The following CD163L1 variants were observed in gnomAD, a reference collection of about 807,000 sequenced individuals.
CD163L1 encodes the protein CD163 molecule like 1.
A neutral mutation model predicts 165.4 loss-of-function variants in CD163L1; 124 were observed. The observed-to-expected ratio is 0.75, with a 90% CI of 0.65 to 0.87. The LOEUF (loss-of-function observed/expected upper bound fraction) is 0.87. Among genes scored for constraint, CD163L1 ranks in the 40% least tolerant of loss-of-function variants. The pLI, the probability that CD163L1 is intolerant of heterozygous loss-of-function variation, is 0.00. For synonymous variants in CD163L1, 585 were observed against 662.2 expected (o/e 0.88, Z 1.79); for missense variants, 1,525 against 1,799.9 (o/e 0.85, Z 2.76).
At chr12:7,366,944 T>TTC (rs1225066447) in intron 18 of CD163L1, among the ~76,000 whole-genome samples, 8 of 152,164 alleles carry the variant, frequency 5.3e-5, no homozygotes, top group African/African-American at 1.7e-4. Context: ...GTGGACCAGG[T>TTC]ATTTGACTGA....
intron 18 of CD163L1, among the ~76,000 whole-genome samples, chr12:7,364,951 G>A (rs775427360): frequency 6.6e-6 from 1 of 152,112 alleles, no homozygotes; most frequent in South Asian, 2.1e-4. Context: ...GAACAACAGA[G>A]GGCCCCCAAT....
chr12:7,370,043 T>C (rs781089565), intron 14 of CD163L1, among the ~76,000 whole-genome samples: 1 of 152,396 alleles, frequency 6.6e-6, no homozygotes, highest in African/African-American at 2.4e-5. Flanking sequence ...TAATGTTCAT[T>C]TGGCTCAAGT....
At chr12:7,330,517 T>G in the CD163L1 span, among the ~76,000 whole-genome samples, 2 of 151,940 alleles carry the variant, frequency 1.3e-5, no homozygotes, top group Admixed American at 6.6e-5. Flanking sequence ...GGTAAGTGAG[T>G]GTTAGGATTA....
At chr12:7,404,538 A>G (rs772108645) in intron 5 of CD163L1, among the ~76,000 whole-genome samples, 25 of 152,300 alleles carry the variant, frequency 1.6e-4, no homozygotes, top group African/African-American at 4.8e-4. Flanking sequence ...TTTTTCATGC[A>G]TACAAATAAA....
chr12:7,392,710 TA>T (rs1273871316), intron 8 of CD163L1, among the ~76,000 whole-genome samples: 4 of 152,050 alleles, frequency 2.6e-5, no homozygotes, highest in African/African-American at 4.8e-5. Flanking sequence ...AAGAATCAAA[TA>T]GATGCAATAG....
chr12:7,326,842 G>A, the CD163L1 span: 1 of 983,578 alleles, frequency 1.0e-6, no homozygotes, highest in Non-Finnish European at 1.4e-6. Flanking sequence ...TTGTTCAGAG[G>A]TAACCTCTGG....
the CD163L1 span, among the ~76,000 whole-genome samples, chr12:7,333,164 CA>C: frequency 6.6e-6 from 1 of 152,176 alleles, no homozygotes; most frequent in African/African-American, 2.4e-5. Context: ...CAGAACTCTC[CA>C]CCCCAAATCA....
the CD163L1 span, chr12:7,323,587 G>A: frequency 1.9e-6 from 3 of 1,582,054 alleles, no homozygotes; most frequent in Non-Finnish European, 2.6e-6. Flanking sequence ...TGCTGGTCAT[G>A]CTTAATACAG....
chr12:7,404,467 G>C (rs1947976007), intron 5 of CD163L1, among the ~76,000 whole-genome samples: 1 of 152,142 alleles, frequency 6.6e-6, no homozygotes, highest in Admixed American at 6.6e-5. Context: ...TGAAGAAACT[G>C]TGTGTTTTTG....
chr12:7,415,295 T>C (rs1171539091), intron 4 of CD163L1, among the ~76,000 whole-genome samples: 1 of 151,344 alleles, frequency 6.6e-6, no homozygotes, highest in Non-Finnish European at 1.5e-5. Flanking sequence ...GTGGTAAACA[T>C]AAAAGAAAAA....
chr12:7,331,693 C>G, the CD163L1 span, among the ~76,000 whole-genome samples: 2 of 152,214 alleles, frequency 1.3e-5, no homozygotes, highest in Non-Finnish European at 2.9e-5. Flanking sequence ...GGACCTCCAG[C>G]AAATTCCAAC....
intron 18 of CD163L1, among the ~76,000 whole-genome samples, chr12:7,362,210 C>A (rs970498214): frequency 1.5e-5 from 2 of 131,174 alleles, no homozygotes; most frequent in African/African-American, 6.0e-5. Flanking sequence ...TATAATATAT[C>A]ATATGTATTA....
chr12:7,441,290 A>G (rs767831880), intron 1 of CD163L1, 44 bp from the exon 2 acceptor site: 3 of 1,431,374 alleles, frequency 2.1e-6, no homozygotes, highest in East Asian at 2.3e-5. Flanking sequence ...ATGTCTTTCT[A>G]AGAAATGTTA....
In CD163L1 at chr12:7,379,302, A is replaced by G. The variant is rs373186141; in HGVS notation, c.2051-4T>C. The G allele has an allele frequency of 2.5e-6, 4 of 1,612,812 alleles. No homozygotes were observed. In the African/African-American group the frequency reaches 5.3e-5, roughly 22 times the overall value. On this transcript the variant is annotated splice_region_variant and splice_polypyrimidine_tract_variant and intron_variant, in intron 8 of 19. Coordinates refer to ENST00000313599, the MANE Select transcript of CD163L1 (RefSeq NM_174941.6). The stretch of plus-strand genomic sequence containing the variant: ...CTCAGCTCCATATCCGATGCATCTG[A>G]AACCAAATACCACAATGATTTTAGA...
At chr12:7,409,621 C>T (rs557040359) in intron 4 of CD163L1, among the ~76,000 whole-genome samples, 2 of 152,168 alleles carry the variant, frequency 1.3e-5, no homozygotes, top group Non-Finnish European at 2.9e-5. Context: ...CCGCCCACTG[C>T]GTGGCCCAAT....
chr12:7,414,960 G>T (rs11053769), intron 4 of CD163L1, among the ~76,000 whole-genome samples: 74,643 of 151,938 alleles, frequency 0.49, 22,585 homozygotes, highest in Non-Finnish European at 0.69. Flanking sequence ...GCTAAATAAC[G>T]AAATTTCAAT....
intron 18 of CD163L1, among the ~76,000 whole-genome samples, chr12:7,360,723 G>A (rs912406223): frequency 6.6e-6 from 1 of 152,080 alleles, no homozygotes; most frequent in African/African-American, 2.4e-5. Context: ...ATAGAATATG[G>A]CTATAATAGC....
downstream of CD163L1, among the ~76,000 whole-genome samples, chr12:7,352,506 T>C (rs1356388868): frequency 1.3e-5 from 2 of 152,008 alleles, no homozygotes; most frequent in Admixed American, 6.6e-5. Context: ...AGAGACTCTA[T>C]AGAGAAATTT....
Position 7,398,366 on chromosome 12 carries a change from C to T in CD163L1, c.1627G>A (p.Val543Ile), listed in dbSNP as rs147432219. The change falls in exon 7 of 20, where the codon GTT (valine) becomes ATT (isoleucine). Residue 543 changes from valine to isoleucine, a missense_variant. Val to Ile is a conservative substitution (Grantham distance 29). Transcript: ENST00000313599. This position sits in a 1 kb window ranked among gnomAD's most constrained non-coding sequence, Gnocchi z 4.5. ...EASGPIWLDD[V>I]SCIGNESNIW... ...TTTGACTCATTTCCAATGCAAGAAACGTCATCCAGCCAAATAGGTCCTGAT... is the reference window on the plus strand; with the variant it reads ...TTTGACTCATTTCCAATGCAAGAAATGTCATCCAGCCAAATAGGTCCTGAT... 42 of 1,614,070 alleles carry T rather than the reference C, an allele frequency of 2.6e-5. No homozygotes were observed. Among genetic ancestry groups the T allele is most frequent in the Admixed American group, 6.7e-5 (4 of 59,998 alleles).
Sources: gnomAD v4.1 joint callset for allele counts (sites outside exome capture counted in the v4.1 genomes callset) on GRCh38, gnomAD v4.1.1 for gene constraint, Gnocchi (gnomAD v3.1) non-coding constraint, MANE v1.5 for transcripts, NCBI Gene and HGNC (gene_info 2026-07-23, HGNC 2026-07-21) for gene names.